The following CHAMP1 variants were observed in gnomAD, a reference collection of about 807,000 sequenced individuals.
The protein encoded by CHAMP1 is chromosome alignment-maintaining phosphoprotein 1.
CHAMP1 carries 4 observed loss-of-function variants against 54.5 expected under a neutral mutation model. The ratio of observed to expected loss-of-function variants is 0.07; its 90% confidence interval spans 0.04 to 0.17. The LOEUF is 0.17. Among genes scored for constraint, CHAMP1 ranks in the 10% least tolerant of loss-of-function variants. The pLI, the probability that CHAMP1 is intolerant of heterozygous loss-of-function variation, is 1.00. For missense variants in CHAMP1, 994 were observed against 968.6 expected (o/e 1.03, Z -0.35); for synonymous variants, 368 against 342.2 (o/e 1.08, Z -0.83).
chr13:114,322,706 T>C (rs1448898441), intron 2 of CHAMP1: 1 of 152,252 alleles, frequency 6.6e-6, no homozygotes, highest in Non-Finnish European at 1.5e-5. Context: ...AAGTCAGTGC[T>C]TATTCCATAT....
chr13:114,324,090 C>T lies in CHAMP1; in HGVS notation c.248C>T (p.Ser83Phe). 1.9e-6 allele frequency: 3 copies of T among 1,614,168 alleles called. No individual in the cohort carries two copies. Among genetic ancestry groups the T allele is most frequent in the Non-Finnish European group, 2.5e-6 (3 of 1,180,040 alleles). ...TCTAATGTATACTATCACATCACATCCAAACATGCATCCCCAGACAAATGG... is the reference window on the plus strand; with the variant it reads ...TCTAATGTATACTATCACATCACATTCAAACATGCATCCCCAGACAAATGG... ...MYSNVYYHIT[S>F]KHASPDKWND... is the part of the protein sequence containing the mutation. The change falls in exon 3 of 3, where the codon TCC (serine) becomes TTC (phenylalanine). Residue 83 changes from serine (S) to phenylalanine (F), a missense_variant. By Grantham distance (155) the Ser-to-Phe change is radical. Transcript: ENST00000361283.
chr13:114,325,155 A>T lies in CHAMP1; in HGVS notation c.1313A>T (p.Glu438Val). 6.2e-7 allele frequency: 1 copy of T among 1,614,138 alleles called. No homozygotes were observed. The highest frequency in any genetic ancestry group is 1.3e-5 in the African/African-American group (1 of 75,012). The change falls in exon 3 of 3, where the codon GAG (glutamate) becomes GTG (valine). Residue 438 changes from glutamate (E) to valine (V), a missense_variant. Coordinates refer to ENST00000361283, the MANE Select transcript of CHAMP1 (RefSeq NM_032436.4). ...PEIRSPAGSP[E>V]LRKPSGSPDL... ...ATCCGTAGTCCAGCAGGATCTCCAG[A>T]GCTCAGAAAACCCTCAGGGTCACCA... is the stretch of plus-strand genomic sequence containing the variant.
Position 114,315,217 on chromosome 13 carries a change from A to G in CHAMP1, c.-179+574A>G, listed in dbSNP as rs187787238. 4.3e-4 allele frequency among the ~76,000 whole-genome samples: 65 copies of G among 152,314 alleles called. 1 individual carries two copies. Among genetic ancestry groups the G allele is most frequent in the Middle Eastern group, 6.8e-3 (2 of 294 alleles). ...CATTAAGGAAATGCAGATGAAAACC[A>G]CAATGAGATACCACCTCACACCTGT... On this transcript the variant is annotated intron_variant, in intron 1 of 2. Transcript: ENST00000361283.
intron 2 of CHAMP1, 89 bp from the exon 3 acceptor site, chr13:114,323,699 A>T (rs754959663): frequency 3.9e-4 from 424 of 1,079,450 alleles, no homozygotes; most frequent in Non-Finnish European, 5.1e-4. Flanking sequence ...ACTGTTCTAG[A>T]CTTAAAATTA....
At chr13:114,314,680 G>A (rs1041324482) in intron 1 of CHAMP1, 37 bp downstream of exon 1, 2 of 152,250 alleles carry the variant, frequency 1.3e-5, no homozygotes, top group African/African-American at 2.4e-5. Context: ...GGGCGTGGTT[G>A]GGGCCTGCAT....
chr13:114,325,327 G>A lies in CHAMP1; in HGVS notation c.1485G>A (p.Glu495=), dbSNP rs782242916. ...AGCCTCAGAAACCTGTCTTCCCTGA[G>A]ACCCGAAAACCAGGTCCTTCTGGGC... ...FIEPQKPVFP[E]TRKPGPSGPS... The change falls in exon 3 of 3, where the codon GAG becomes GAA. Residue 495 remains glutamate, a synonymous_variant. Transcript: ENST00000361283. 1 of 1,614,076 alleles carries A rather than the reference G, an allele frequency of 6.2e-7. No individual in the cohort carries two copies. Among genetic ancestry groups the A allele is most frequent in the South Asian group, 1.1e-5 (1 of 91,068 alleles).
In CHAMP1 at chr13:114,325,153, A is replaced by G. The variant is rs371126156; in HGVS notation, c.1311A>G (p.Pro437=). 160 of 1,614,164 alleles carry G rather than the reference A, an allele frequency of 9.9e-5. 1 individual carries two copies. The East Asian group carries it at 1.4e-3, about 14-fold the overall frequency. ...SPEIRSPAGS[P]ELRKPSGSPD... ...AGATCCGTAGTCCAGCAGGATCTCCAGAGCTCAGAAAACCCTCAGGGTCAC... is the reference window on the plus strand; with the variant it reads ...AGATCCGTAGTCCAGCAGGATCTCCGGAGCTCAGAAAACCCTCAGGGTCAC... Residue 437 remains proline, a synonymous_variant, in exon 3 of 3, where the codon CCA becomes CCG. Coordinates refer to ENST00000361283, the MANE Select transcript of CHAMP1 (RefSeq NM_032436.4).
chr13:114,324,015 G>T lies in CHAMP1; in HGVS notation c.173G>T (p.Ser58Ile). 1 of 1,614,144 alleles carries T rather than the reference G, an allele frequency of 6.2e-7. No individual in the cohort carries two copies. ...GLGKMIFYQK[S>I]AKLFHCHKCF... ...GGCAAAATGATATTTTACCAGAAAA[G>T]TGCAAAGTTATTTCACTGCCATAAA... Residue 58 changes from serine (S) to isoleucine (I), a missense_variant, in exon 3 of 3, where the codon AGT becomes ATT. By Grantham distance (142) the Ser-to-Ile change is moderately radical. Transcript: ENST00000361283.
At position 114,324,499 on chromosome 13, in the gene CHAMP1, G is replaced by T. The variant is rs781825160; in HGVS notation, c.657G>T (p.Lys219Asn). The part of the protein sequence containing the change: ...KPAPVSPESV[K>N]ATLSNPKPQK... ...CCCCTGTATCTCCTGAGTCAGTAAAGGCTACTCTTAGTAATCCCAAACCCC... is the reference window on the plus strand; with the variant it reads ...CCCCTGTATCTCCTGAGTCAGTAAATGCTACTCTTAGTAATCCCAAACCCC... The change falls in exon 3 of 3, where the codon AAG becomes AAT. Residue 219 changes from lysine to asparagine, a missense_variant. Lys to Asn is a moderately conservative substitution (Grantham distance 94, BLOSUM62 0). Transcript: ENST00000361283. 8.7e-6 allele frequency: 14 copies of T among 1,614,102 alleles called. No individual in the cohort carries two copies. Among genetic ancestry groups the T allele is most frequent in the Non-Finnish European group, 1.2e-5 (14 of 1,180,022 alleles).
rs1229228687 is a variant in CHAMP1, at chr13:114,326,471, G to GT, written c.*191dup. On this transcript the variant is annotated 3_prime_UTR_variant, in exon 3 of 3. Transcript: ENST00000361283. ...TGGTCTCTGTCTATGTGACTATCTTGTAAGTCAATAAATTTCTGTATAGTC... is the reference window on the plus strand; with the variant it reads ...TGGTCTCTGTCTATGTGACTATCTTGTTAAGTCAATAAATTTCTGTATAGTC... 90 of 569,454 alleles carry GT rather than the reference G, an allele frequency of 1.6e-4. No homozygotes were observed. The highest frequency in any genetic ancestry group is 1.4e-3 in the African/African-American group (75 of 51,894). 35.3% of individuals were successfully genotyped at this position (569,454 alleles called of 1,614,324 possible). A position where few individuals can be genotyped will look rare whatever the true frequency, so the allele number is the denominator to read the frequency against.
In CHAMP1 at chr13:114,325,039, G is replaced by T. The variant is rs1555379685; in HGVS notation, c.1197G>T (p.Lys399Asn). ...SWKSGPPELR[K>N]TAPTLSPEHW... is the part of the protein sequence containing the mutation. Reference sequence around the variant, plus strand: ...AGTCTGGCCCACCAGAACTCCGAAAGACAGCTCCCACGTTGTCTCCTGAAC... The same window carrying T: ...AGTCTGGCCCACCAGAACTCCGAAATACAGCTCCCACGTTGTCTCCTGAAC... The change falls in exon 3 of 3, where the codon AAG (lysine) becomes AAT (asparagine). Residue 399 changes from lysine (K) to asparagine (N), a missense_variant. Transcript: ENST00000361283. The T allele has an allele frequency of 6.2e-7, 1 of 1,614,100 alleles. No homozygotes were observed. Among genetic ancestry groups the T allele is most frequent in the Non-Finnish European group, 8.5e-7 (1 of 1,180,030 alleles).
In CHAMP1 at chr13:114,326,322, G is replaced by T; in HGVS notation, c.*41G>T. ...ATTTGTTCTACAAAGGTGTTTGTTG[G>T]AACCATTCTTTGTAAGTATAGCTTA... On this transcript the variant is annotated 3_prime_UTR_variant, in exon 3 of 3. Transcript: ENST00000361283. The T allele has an allele frequency of 6.6e-7, 1 of 1,524,572 alleles. No homozygotes were observed. Among genetic ancestry groups the T allele is most frequent in the South Asian group, 1.3e-5 (1 of 74,704 alleles). 94.4% of individuals were successfully genotyped at this position (1,524,572 alleles called of 1,614,324 possible).
chr13:114,324,495 T>G lies in CHAMP1; in HGVS notation c.653T>G (p.Val218Gly). Residue 218 changes from valine (V) to glycine (G), a missense_variant, in exon 3 of 3, where the codon GTA (valine) becomes GGA (glycine). This residue lies in a region of CHAMP1 where 851 missense variants were observed against 701.3 expected (regional missense o/e 1.21). Transcript: ENST00000361283. ...CCTGCCCCTGTATCTCCTGAGTCAGTAAAGGCTACTCTTAGTAATCCCAAA... is the reference window on the plus strand; with the variant it reads ...CCTGCCCCTGTATCTCCTGAGTCAGGAAAGGCTACTCTTAGTAATCCCAAA... ...QKPAPVSPES[V>G]KATLSNPKPQ... 1.2e-6 allele frequency: 2 copies of G among 1,613,966 alleles called. No homozygotes were observed. Among genetic ancestry groups the G allele is most frequent in the Non-Finnish European group, 1.7e-6 (2 of 1,179,978 alleles).
rs1020498662 is a variant in CHAMP1 at position 114,317,399 on chromosome 13, C to G, written c.-179+2756C>G. Among the ~76,000 whole-genome samples the G allele has an allele frequency of 3.3e-5, 5 of 151,830 alleles. 1 individual carries two copies. The highest frequency in any genetic ancestry group is 7.4e-5 in the Non-Finnish European group (5 of 67,948). On this transcript the variant is annotated intron_variant, in intron 1 of 2. Coordinates refer to ENST00000361283, the MANE Select transcript of CHAMP1 (RefSeq NM_032436.4). ...CCAGCACTTTGAGAGGCCAAGGCAA[C>G]AAGATCTCTGGAGGCCAGGAGTTCA...
At position 114,325,459 on chromosome 13, in the gene CHAMP1, T is replaced by C; in HGVS notation, c.1617T>C (p.Pro539=). 6.2e-7 allele frequency: 1 copy of C among 1,614,068 alleles called. No individual in the cohort carries two copies. Among genetic ancestry groups the C allele is most frequent in the African/African-American group, 1.3e-5 (1 of 74,998 alleles). ...ALFPEPAKTA[P]PASPEARKRA... ...TTCCCGAGCCTGCCAAAACAGCCCC[T>C]CCTGCTTCTCCAGAAGCACGCAAAC... The change falls in exon 3 of 3, where the codon CCT becomes CCC. Residue 539 remains proline (P), a synonymous_variant. Coordinates refer to ENST00000361283, the MANE Select transcript of CHAMP1 (RefSeq NM_032436.4).
intron 1 of CHAMP1, among the ~76,000 whole-genome samples, chr13:114,320,487 G>A (rs1566789086): frequency 6.6e-6 from 1 of 152,164 alleles, no homozygotes; most frequent in Non-Finnish European, 1.5e-5. Flanking sequence ...GTTATAGTCA[G>A]TAGTCACACC....
chr13:114,324,817 C>G lies in CHAMP1; in HGVS notation c.975C>G (p.Ser325=), dbSNP rs1359823299. The change falls in exon 3 of 3, where the codon TCC becomes TCG. Residue 325 remains serine, a synonymous_variant. Coordinates refer to ENST00000361283, the MANE Select transcript of CHAMP1 (RefSeq NM_032436.4). Reference sequence around the variant, plus strand: ...CTGGGTCCCCTAGGCCTTGGAAATCCAATCCTTCAGCATCATCAGGACCTT... The same window carrying G: ...CTGGGTCCCCTAGGCCTTGGAAATCGAATCCTTCAGCATCATCAGGACCTT... ...GPPGSPRPWK[S]NPSASSGPWK... is the part of the protein sequence containing the mutation. The G allele has an allele frequency of 8.7e-6, 14 of 1,613,942 alleles. No individual in the cohort carries two copies. The highest frequency in any genetic ancestry group is 1.2e-5 in the Non-Finnish European group (14 of 1,179,958).
intron 1 of CHAMP1, among the ~76,000 whole-genome samples, 187 bp from the exon 2 acceptor site, chr13:114,320,923 T>C (rs1201904076): frequency 2.7e-5 from 4 of 148,994 alleles, no homozygotes; most frequent in African/African-American, 1.0e-4. Context: ...GCCACTGCAC[T>C]CCAGCCTGGG....
intron 1 of CHAMP1, among the ~76,000 whole-genome samples, chr13:114,319,513 C>A (rs2087142489): frequency 6.6e-6 from 1 of 152,162 alleles, no homozygotes; most frequent in Non-Finnish European, 1.5e-5. Context: ...ACAGCTGGGG[C>A]TTCTAGGAAG....
Sources: gnomAD v4.1 joint callset for allele counts (sites outside exome capture counted in the v4.1 genomes callset) on GRCh38, gnomAD v4.1.1 for gene constraint, gnomAD v4.1.1 regional missense constraint, MANE v1.5 for transcripts, NCBI Gene and HGNC (gene_info 2026-07-23, HGNC 2026-07-21) for gene names.